Variants in CACNA2D3 observed in about 807,000 individuals in gnomAD.
CACNA2D3 encodes voltage-dependent calcium channel subunit alpha-2/delta-3.
CACNA2D3 carries 60 observed loss-of-function variants against 160.6 expected under a neutral mutation model. The observed-to-expected ratio is 0.37, with a 90% CI of 0.30 to 0.46. CACNA2D3 has a LOEUF of 0.46. Ranked by LOEUF, CACNA2D3 falls within the 20% of genes least tolerant of loss-of-function variation. The pLI is 1.00. For synonymous variants in CACNA2D3, 558 were observed against 492.9 expected (o/e 1.13, Z -1.75); for missense variants, 1,205 against 1,365.0 (o/e 0.88, Z 1.85).
At chr3:54,198,025 C>T (rs1024099706) in intron 2 of CACNA2D3, among the ~76,000 whole-genome samples, 9 of 152,220 alleles carry the variant, frequency 5.9e-5, no homozygotes, top group Non-Finnish European at 1.3e-4. Context: ...GTAAAAATAG[C>T]ATGCGTGAAG....
At chr3:54,607,755 T>C (rs1175329031) in intron 9 of CACNA2D3, among the ~76,000 whole-genome samples, 2 of 152,218 alleles carry the variant, frequency 1.3e-5, no homozygotes, top group African/African-American at 2.4e-5. Context: ...TGAAAAATTA[T>C]GTTTATACAA....
chr3:54,878,998 C>T lies in CACNA2D3; in HGVS notation c.1711-20C>T, dbSNP rs370876831. 249 of 1,545,388 alleles carry T rather than the reference C, an allele frequency of 1.6e-4. No individual in the cohort carries two copies. The highest frequency in any genetic ancestry group is 2.0e-4 in the Non-Finnish European group (227 of 1,132,134). The stretch of plus-strand genomic sequence containing the variant: ...GATAACCCAGGGAAGAACTAACACA[C>T]TTTTCTTTTATCATTTTAGTTGAGA... On this transcript the variant is annotated intron_variant, in intron 18 of 37. Transcript: ENST00000474759.
intron 3 of CACNA2D3, among the ~76,000 whole-genome samples, chr3:54,334,173 G>A (rs1212799284): frequency 2.7e-5 from 4 of 147,744 alleles, no homozygotes; most frequent in Non-Finnish European, 3.0e-5. Flanking sequence ...TGCAACCTCC[G>A]CCTCCCGGGT....
intron 16 of CACNA2D3, among the ~76,000 whole-genome samples, chr3:54,841,380 G>T (rs1291436321): frequency 6.6e-6 from 1 of 152,182 alleles, no homozygotes; most frequent in African/African-American, 2.4e-5. Flanking sequence ...TGAAATGCAG[G>T]CATGTGTGTT....
intron 4 of CACNA2D3, among the ~76,000 whole-genome samples, chr3:54,461,897 T>G (rs1700512311): frequency 6.6e-6 from 1 of 152,254 alleles, no homozygotes; most frequent in Non-Finnish European, 1.5e-5. Context: ...CCTTCCTGCT[T>G]TCTGTTGTGG....
At chr3:54,423,475 G>A (rs955643191) in intron 4 of CACNA2D3, among the ~76,000 whole-genome samples, 3 of 152,162 alleles carry the variant, frequency 2.0e-5, no homozygotes, top group African/African-American at 7.2e-5. Context: ...CTAGTACCGT[G>A]CCTGGCACAG....
intron 2 of CACNA2D3, among the ~76,000 whole-genome samples, chr3:54,134,897 A>AGCACCGCAGTGCAGGGCGGGT (rs1699788057): frequency 6.6e-6 from 1 of 152,226 alleles, no homozygotes; most frequent in Non-Finnish European, 1.5e-5. Context: ...CTGCTGCGGG[A>AGCACCGCAGTGCAGGGCGGGT]GCACCGCAGT....
intron 9 of CACNA2D3, 48 bp from the exon 10 acceptor site, chr3:54,627,739 T>C (rs770233921): frequency 8.3e-7 from 1 of 1,201,848 alleles, no homozygotes; most frequent in South Asian, 1.3e-5. Context: ...GGTTGGTGTT[T>C]CACATAACAG....
intron 4 of CACNA2D3, among the ~76,000 whole-genome samples, chr3:54,469,796 A>G (rs914961146): frequency 6.6e-6 from 1 of 152,030 alleles, no homozygotes; most frequent in Non-Finnish European, 1.5e-5. Context: ...ACAAGTATCA[A>G]TAGCCAAGCC....
chr3:54,255,961 G>C (rs559571421), intron 2 of CACNA2D3, among the ~76,000 whole-genome samples: 16 of 152,094 alleles, frequency 1.1e-4, no homozygotes, highest in Non-Finnish European at 2.2e-4. Context: ...AAGTGTCAGA[G>C]TTGGGGTGGG....
chr3:54,195,538 G>T (rs1701062847), intron 2 of CACNA2D3, among the ~76,000 whole-genome samples: 1 of 152,214 alleles, frequency 6.6e-6, no homozygotes, highest in South Asian at 2.1e-4. Context: ...ATAGCCATGT[G>T]AAGTTGATGC....
intron 5 of CACNA2D3, among the ~76,000 whole-genome samples, chr3:54,534,492 G>A (rs1045222799): frequency 3.9e-5 from 6 of 151,926 alleles, no homozygotes; most frequent in African/African-American, 7.3e-5. Context: ...GTCTTCCCAC[G>A]CGATGCTCCA....
At chr3:54,925,559 A>C (rs996214739) in intron 27 of CACNA2D3, among the ~76,000 whole-genome samples, 9 of 152,198 alleles carry the variant, frequency 5.9e-5, no homozygotes, top group African/African-American at 2.2e-4. Context: ...GCCACAACAG[A>C]ATTATTTGGG....
At chr3:54,767,786 G>A (rs1332847422) in intron 13 of CACNA2D3, among the ~76,000 whole-genome samples, 1 of 152,180 alleles carries the variant, frequency 6.6e-6, no homozygotes. Context: ...CACAGGATCA[G>A]CATGAAGAGG....
intron 2 of CACNA2D3, among the ~76,000 whole-genome samples, chr3:54,258,870 T>G (rs544374820): frequency 6.6e-6 from 1 of 152,348 alleles, no homozygotes; most frequent in East Asian, 1.9e-4. Flanking sequence ...CAGACAGTGC[T>G]GGCTAGGGAG....
chr3:54,429,375 C>G (rs910466466), intron 4 of CACNA2D3, among the ~76,000 whole-genome samples: 1 of 151,988 alleles, frequency 6.6e-6, no homozygotes, highest in Non-Finnish European at 1.5e-5. Context: ...CTTTCCATTT[C>G]TTTTCTCCTT....
Position 55,074,543 on chromosome 3 carries a change from A to T in CACNA2D3, c.*337A>T. On this transcript the variant is annotated 3_prime_UTR_variant, in exon 38 of 38. Transcript: ENST00000474759. ...AAACTGTGTACTTTTTAAATAAAGT[A>T]TATTAAAATCATAATCTCCGTGTTT... 1 of 202,190 alleles carries T rather than the reference A, an allele frequency of 4.9e-6. No individual in the cohort carries two copies. Among genetic ancestry groups the T allele is most frequent in the Non-Finnish European group, 1.0e-5 (1 of 99,888 alleles). 12.5% of individuals were successfully genotyped at this position (202,190 alleles called of 1,614,324 possible).
intron 26 of CACNA2D3, among the ~76,000 whole-genome samples, chr3:54,898,760 A>G (rs1559622072): frequency 1.3e-5 from 2 of 152,220 alleles, no homozygotes; most frequent in South Asian, 2.1e-4. Flanking sequence ...ATTTTCACCA[A>G]ACTTTCAATG....
At chr3:54,268,559 A>G (rs1174032421) in intron 2 of CACNA2D3, among the ~76,000 whole-genome samples, 1 of 152,086 alleles carries the variant, frequency 6.6e-6, no homozygotes, top group African/African-American at 2.4e-5. Context: ...ATAGGTGCCC[A>G]CCACCACGCC....
Sources: gnomAD v4.1 joint callset for allele counts (sites outside exome capture counted in the v4.1 genomes callset) on GRCh38, gnomAD v4.1.1 for gene constraint, MANE v1.5 for transcripts, NCBI Gene and HGNC (gene_info 2026-07-23, HGNC 2026-07-21) for gene names.